The following MBOAT2 variants were observed in gnomAD, a reference collection of about 807,000 sequenced individuals.
MBOAT2 encodes membrane-bound glycerophospholipid O-acyltransferase 2.
In MBOAT2, 28 loss-of-function variants were observed where a neutral mutation model predicts 63.4. The ratio of observed to expected loss-of-function variants is 0.44; its 90% CI spans 0.33 to 0.61. MBOAT2 has a LOEUF of 0.61. MBOAT2 is among the 20% of genes least tolerant of loss of function. The pLI is 0.03. For missense variants in MBOAT2, 470 were observed against 605.8 expected (o/e 0.78, Z 2.35); for synonymous variants, 211 against 215.6 (o/e 0.98, Z 0.19).
At chr2:8,887,694 G>A (rs973996398) in intron 5 of MBOAT2, among the ~76,000 whole-genome samples, 1 of 152,142 alleles carries the variant, frequency 6.6e-6, no homozygotes. Context: ...AAAATTTAAC[G>A]AGGAGCTGAA....
intron 1 of MBOAT2, among the ~76,000 whole-genome samples, chr2:8,985,085 A>G (rs995371606): frequency 4.5e-5 from 6 of 134,142 alleles, no homozygotes; most frequent in East Asian, 2.0e-4. Flanking sequence ...TCCTCAGGGG[A>G]AAAAAAAAAC....
At chr2:8,945,365 A>T (rs1668342211) in intron 2 of MBOAT2, among the ~76,000 whole-genome samples, 1 of 152,202 alleles carries the variant, frequency 6.6e-6, no homozygotes, top group Non-Finnish European at 1.5e-5. Context: ...TCTCATTGGT[A>T]AAGTGACCAT....
In MBOAT2 at chr2:8,852,812, A is replaced by G. The variant is rs987885940; in HGVS notation, c.*5867T>C. 9.2e-5 allele frequency: 14 copies of G among 152,354 alleles called. No homozygotes were observed. The highest frequency in any genetic ancestry group is 3.4e-4 in the African/African-American group (14 of 41,590). The allele number at this position is 152,354 out of a possible 1,614,324, so 9.4% of individuals were successfully genotyped here. A position where few individuals can be genotyped will look rare whatever the true frequency, so the allele number is the denominator to read the frequency against. ...AAAACCAGCAATAAGCCACCAGTGC[A>G]GCTCTGACAGACTAGAAATGAGTGG... On this transcript the variant is annotated 3_prime_UTR_variant, in exon 13 of 13. Transcript: ENST00000305997.
intron 1 of MBOAT2, among the ~76,000 whole-genome samples, chr2:8,964,423 C>T (rs887379081): frequency 2.0e-5 from 3 of 150,224 alleles, no homozygotes; most frequent in African/African-American, 7.4e-5. Flanking sequence ...TGTTAATACC[C>T]AGAGTAGAAC....
chr2:8,996,300 G>A (rs1182388030), intron 1 of MBOAT2, among the ~76,000 whole-genome samples: 1 of 152,224 alleles, frequency 6.6e-6, no homozygotes, highest in Non-Finnish European at 1.5e-5. Context: ...CTTTCAAAAT[G>A]TATGACTGAG....
intron 3 of MBOAT2, among the ~76,000 whole-genome samples, chr2:8,928,296 G>A (rs990793131): frequency 6.6e-6 from 1 of 152,196 alleles, no homozygotes; most frequent in Non-Finnish European, 1.5e-5. Flanking sequence ...TCCAGGAGCT[G>A]CAGATTTCAG....
intron 1 of MBOAT2, among the ~76,000 whole-genome samples, chr2:8,975,039 T>C (rs1670720391): frequency 6.6e-6 from 1 of 152,070 alleles, no homozygotes; most frequent in Non-Finnish European, 1.5e-5. Context: ...TGAAGATGAA[T>C]TCAAAGCTAC....
chr2:8,880,363 T>A (rs1475044244), intron 6 of MBOAT2, among the ~76,000 whole-genome samples: 1 of 152,170 alleles, frequency 6.6e-6, no homozygotes, highest in African/African-American at 2.4e-5. Flanking sequence ...CCACCAGTGA[T>A]AATGGTACTG....
chr2:8,882,165 G>A (rs1663182555), intron 6 of MBOAT2, among the ~76,000 whole-genome samples: 1 of 152,206 alleles, frequency 6.6e-6, no homozygotes, highest in African/African-American at 2.4e-5. Flanking sequence ...AATGGTAGCT[G>A]CTATTATTAC....
At chr2:8,987,344 C>G (rs895702462) in intron 1 of MBOAT2, among the ~76,000 whole-genome samples, 4 of 152,192 alleles carry the variant, frequency 2.6e-5, no homozygotes, top group Non-Finnish European at 2.9e-5. Context: ...ACTATGTTCA[C>G]CTTTACAAGG....
At chr2:8,888,724 G>C (rs908730382) in intron 4 of MBOAT2, among the ~76,000 whole-genome samples, 2 of 152,034 alleles carry the variant, frequency 1.3e-5, no homozygotes, top group African/African-American at 4.8e-5. Flanking sequence ...TTAGCTTACA[G>C]ACAGTATTAA....
chr2:8,929,752 G>T (rs746274126), intron 3 of MBOAT2, among the ~76,000 whole-genome samples: 13 of 152,196 alleles, frequency 8.5e-5, no homozygotes, highest in Admixed American at 8.5e-4. Context: ...TAATGGGACT[G>T]CTGGGTCAAA....
intron 1 of MBOAT2, among the ~76,000 whole-genome samples, chr2:8,987,470 A>C (rs1465253939): frequency 6.6e-6 from 1 of 152,236 alleles, no homozygotes; most frequent in Non-Finnish European, 1.5e-5. Flanking sequence ...AATTTTTTAA[A>C]AATATATGAT....
rs551025949 is a variant in MBOAT2, at chr2:8,999,390, G to A, written c.75+4150C>T. ...AAGAGATGGGAGGGAGGGAGGAAGA[G>A]GGAAAAGGCTGGATAGCAACCTCAG... On this transcript the variant is annotated intron_variant, in intron 1 of 12. Coordinates refer to ENST00000305997, the MANE Select transcript of MBOAT2 (RefSeq NM_138799.4). Among the ~76,000 whole-genome samples the A allele has an allele frequency of 3.9e-5, 6 of 152,320 alleles. No individual in the cohort carries two copies. The East Asian group carries it at 1.2e-3, about 29-fold the overall frequency.
chr2:8,873,118 T>C lies in MBOAT2; in HGVS notation c.873A>G (p.Ala291=), dbSNP rs1164169497. The stretch of plus-strand genomic sequence containing the variant: ...TTACATGTTACTTACCTAGCGTCCA[T>C]GCAAAATAGTATTTGGGTCTGGCAG... ...LLAARPKYYF[A]WTLADAINNA... is the part of the protein sequence containing the mutation. The change falls in exon 8 of 13, where the codon GCA becomes GCG. Residue 291 remains alanine (A), a synonymous_variant. Transcript: ENST00000305997. The C allele has an allele frequency of 4.3e-6, 7 of 1,613,866 alleles. No homozygotes were observed. The highest frequency in any genetic ancestry group is 4.5e-5 in the East Asian group (2 of 44,878).
In MBOAT2 at chr2:8,865,257, C is replaced by G. The variant is rs142102371; in HGVS notation, c.988-1023G>C. 6.6e-5 allele frequency among the ~76,000 whole-genome samples: 10 copies of G among 152,160 alleles called. No individual in the cohort carries two copies. The East Asian group carries it at 1.7e-3, about 26-fold the overall frequency. Reference sequence around the variant, plus strand: ...GTGTCAGCAATTTCGCATGATTCAACCTAATACCCCATCTATATCTCTGGT... The same window carrying G: ...GTGTCAGCAATTTCGCATGATTCAAGCTAATACCCCATCTATATCTCTGGT... On this transcript the variant is annotated intron_variant, in intron 9 of 12. Transcript: ENST00000305997.
chr2:8,942,879 T>C (rs1179085824), intron 3 of MBOAT2, among the ~76,000 whole-genome samples: 1 of 152,202 alleles, frequency 6.6e-6, no homozygotes, highest in Non-Finnish European at 1.5e-5. Flanking sequence ...GAAACATTTA[T>C]GGTCGTCACA....
intron 3 of MBOAT2, 126 bp downstream of exon 3, chr2:8,943,061 G>A (rs1397821799): frequency 1.8e-6 from 1 of 553,878 alleles, no homozygotes; most frequent in Non-Finnish European, 3.0e-6. Flanking sequence ...TTGTATTTAT[G>A]ACAATTCTTC....
At chr2:8,972,566 T>A (rs1026660943) in intron 1 of MBOAT2, among the ~76,000 whole-genome samples, 19 of 152,062 alleles carry the variant, frequency 1.2e-4, no homozygotes, top group African/African-American at 4.6e-4. Flanking sequence ...GAAACTACCA[T>A]CAGAGTGAAC....
Sources: gnomAD v4.1 joint callset for allele counts (sites outside exome capture counted in the v4.1 genomes callset) on GRCh38, gnomAD v4.1.1 for gene constraint, MANE v1.5 for transcripts, NCBI Gene and HGNC (gene_info 2026-07-23, HGNC 2026-07-21) for gene names.